Variants in GPCPD1 observed in about 807,000 individuals in gnomAD.
The protein encoded by GPCPD1 is glycerophosphocholine phosphodiesterase 1.
GPCPD1 carries 29 observed loss-of-function variants against 89.2 expected under a neutral mutation model. The observed-to-expected ratio is 0.33, with a 90% CI of 0.24 to 0.44. GPCPD1 has a LOEUF of 0.44. Ranked by LOEUF, GPCPD1 falls within the 20% of genes least tolerant of loss-of-function variation. GPCPD1 has a pLI of 1.00. For synonymous variants in GPCPD1, 258 were observed against 266.3 expected (o/e 0.97, Z 0.30); for missense variants, 594 against 808.9 (o/e 0.73, Z 3.22).
intron 11 of GPCPD1, among the ~76,000 whole-genome samples, chr20:5,571,061 T>C (rs547252430): frequency 6.6e-6 from 1 of 152,182 alleles, no homozygotes; most frequent in African/African-American, 2.4e-5. Flanking sequence ...GGTTTGAAAA[T>C]TCTGTAACAC....
At chr20:5,600,345 C>T (rs1004344076) in intron 2 of GPCPD1, among the ~76,000 whole-genome samples, 2 of 149,994 alleles carry the variant, frequency 1.3e-5, no homozygotes, top group African/African-American at 4.9e-5. Context: ...CACTTGAGGC[C>T]AGGAGTTTGA....
chr20:5,598,823 TAAAGAAACAGAACAATCAGTCAC>T lies in GPCPD1; in HGVS notation c.50-25_50-3del. ...TTCCACATATCGCAAAAACTTCTCCTAAAGAAACAGAACAATCAGTCACAGAGAAACAGAACAATCAGTCACAG... is the reference window on the plus strand; with the variant it reads ...TTCCACATATCGCAAAAACTTCTCCTAGAGAAACAGAACAATCAGTCACAG... On this transcript the variant is annotated splice_region_variant and splice_polypyrimidine_tract_variant and intron_variant, in intron 2 of 19. Transcript: ENST00000379019. 1 of 1,582,290 alleles carries T rather than the reference TAAAGAAACAGAACAATCAGTCAC, an allele frequency of 6.3e-7. No homozygotes were observed. The highest frequency in any genetic ancestry group is 8.7e-7 in the Non-Finnish European group (1 of 1,151,316).
At chr20:5,608,091 C>G (rs1422407698) in intron 1 of GPCPD1, among the ~76,000 whole-genome samples, 1 of 152,100 alleles carries the variant, frequency 6.6e-6, no homozygotes, top group African/African-American at 2.4e-5. Flanking sequence ...TTCCTATGTA[C>G]TAAAATCAAC....
At chr20:5,585,944 TTCA>T in intron 5 of GPCPD1, 1 of 363,656 alleles carries the variant, frequency 2.7e-6, no homozygotes, top group African/African-American at 2.1e-5. Flanking sequence ...AAGTGAATAT[TTCA>T]TAATAAACTA....
Position 5,578,363 on chromosome 20 carries a change from C to CTG in GPCPD1, c.705+15_705+16dup. The CTG allele has an allele frequency of 7.3e-7, 1 of 1,373,332 alleles. No homozygotes were observed. The allele number at this position is 1,373,332 out of a possible 1,614,324, so 85.1% of individuals were successfully genotyped here. A position where few individuals can be genotyped will look rare whatever the true frequency, so the allele number is the denominator to read the frequency against. On this transcript the variant is annotated intron_variant, in intron 8 of 19. Coordinates refer to ENST00000379019, the MANE Select transcript of GPCPD1 (RefSeq NM_019593.5). ...CCTGCATTCTTTCTCAATCCCCTCA[C>CTG]TGCAGTAACTACTCACTTCGAAAAA...
Position 5,570,133 on chromosome 20 carries a change from A to C in GPCPD1, c.1149+14T>G. ...TTAACATTAAGAGTTTGAAATGAAG[A>C]AATTTCAACGTACCTTTTTCATAGT... is the stretch of plus-strand genomic sequence containing the variant. On this transcript the variant is annotated intron_variant, in intron 12 of 19. Transcript: ENST00000379019. 1 of 1,271,720 alleles carries C rather than the reference A, an allele frequency of 7.9e-7. No homozygotes were observed. Among genetic ancestry groups the C allele is most frequent in the Non-Finnish European group, 1.1e-6 (1 of 883,464 alleles). 78.8% of individuals were successfully genotyped at this position (1,271,720 alleles called of 1,614,324 possible). A position where few individuals can be genotyped will look rare whatever the true frequency, so the allele number is the denominator to read the frequency against.
At chr20:5,550,835 A>C (rs1464612601) in intron 19 of GPCPD1, among the ~76,000 whole-genome samples, 1 of 152,156 alleles carries the variant, frequency 6.6e-6, no homozygotes, top group Non-Finnish European at 1.5e-5. Flanking sequence ...AAAAGATATG[A>C]GCTACAGGAA....
In GPCPD1 at chr20:5,547,837, T is replaced by C. The variant is rs1261417966; in HGVS notation, c.1843A>G (p.Met615Val). 1.3e-6 allele frequency: 2 copies of C among 1,588,850 alleles called. No individual in the cohort carries two copies. The highest frequency in any genetic ancestry group is 1.7e-6 in the Non-Finnish European group (2 of 1,159,112). The change falls in exon 20 of 20, where the codon ATG (methionine) becomes GTG (valine). Residue 615 changes from methionine (M) to valine (V), a missense_variant. Transcript: ENST00000379019. ...TGGAATATATTTGGTTGTTCAGGCA[T>C]CCAATCATATATCCTATGATGAAAC... ...GLIYDRIYDW[M>V]PEQPNIFQVE...
rs935908862 is a variant in GPCPD1, at chr20:5,561,664, G to C, written c.1330-134C>G. The C allele has an allele frequency of 5.3e-5, 29 of 546,722 alleles. 1 individual carries two copies. Among genetic ancestry groups the C allele is most frequent in the African/African-American group, 4.8e-4 (25 of 52,340 alleles). 33.9% of individuals were successfully genotyped at this position (546,722 alleles called of 1,614,324 possible). On this transcript the variant is annotated intron_variant, in intron 15 of 19. Coordinates refer to ENST00000379019, the MANE Select transcript of GPCPD1 (RefSeq NM_019593.5). ...AGCAATAAAATGTTTTGTGCATAATGCACAAACATATTTTGTCATACTCAA... is the reference window on the plus strand; with the variant it reads ...AGCAATAAAATGTTTTGTGCATAATCCACAAACATATTTTGTCATACTCAA...
At chr20:5,556,494 G>A (rs1331417248) in intron 19 of GPCPD1, among the ~76,000 whole-genome samples, 1 of 152,154 alleles carries the variant, frequency 6.6e-6, no homozygotes, top group East Asian at 1.9e-4. Context: ...GTGAGCCACT[G>A]CGCCCGGCCT....
chr20:5,575,715 C>A, intron 9 of GPCPD1, 101 bp downstream of exon 9: 1 of 937,560 alleles, frequency 1.1e-6, no homozygotes, highest in Non-Finnish European at 1.6e-6. Flanking sequence ...GATACTAAAG[C>A]AAATTATTAA....
chr20:5,604,621 G>A (rs1248820748), intron 1 of GPCPD1, among the ~76,000 whole-genome samples, 181 bp from the exon 2 acceptor site: 1 of 82,996 alleles, frequency 1.2e-5, no homozygotes, highest in East Asian at 4.2e-4. Flanking sequence ...CGGGGGGGGG[G>A]GGGCGGGAAA....
chr20:5,582,151 A>C (rs1225324817), intron 6 of GPCPD1, among the ~76,000 whole-genome samples: 2 of 125,868 alleles, frequency 1.6e-5, no homozygotes, highest in African/African-American at 3.1e-5. Context: ...GCGCCACTGC[A>C]CTCCAGCCTG....
chr20:5,546,984 T>A lies in GPCPD1; in HGVS notation c.*677A>T, dbSNP rs1281185942. On this transcript the variant is annotated 3_prime_UTR_variant, in exon 20 of 20. Coordinates refer to ENST00000379019, the MANE Select transcript of GPCPD1 (RefSeq NM_019593.5). Reference sequence around the variant, plus strand: ...CATACTTTTTCTTACTAATATTTTATACATTAAATTACCCTGCAGCATTTT... The same window carrying A: ...CATACTTTTTCTTACTAATATTTTAAACATTAAATTACCCTGCAGCATTTT... 2.6e-5 allele frequency: 4 copies of A among 152,678 alleles called. No individual in the cohort carries two copies. Among genetic ancestry groups the A allele is most frequent in the Non-Finnish European group, 5.9e-5 (4 of 68,032 alleles). 9.5% of individuals were successfully genotyped at this position (152,678 alleles called of 1,614,324 possible). A position where few individuals can be genotyped will look rare whatever the true frequency, so the allele number is the denominator to read the frequency against.
intron 2 of GPCPD1, among the ~76,000 whole-genome samples, chr20:5,603,731 T>C (rs1310399526): frequency 6.6e-6 from 1 of 151,550 alleles, no homozygotes; most frequent in East Asian, 1.9e-4. Flanking sequence ...CAGCCAATTG[T>C]TTCACCAACT....
intron 4 of GPCPD1, among the ~76,000 whole-genome samples, chr20:5,590,824 G>T (rs1979279325): frequency 6.6e-6 from 1 of 152,156 alleles, no homozygotes; most frequent in South Asian, 2.1e-4. Context: ...AAATAAGATA[G>T]TTTGTAATGA....
intron 12 of GPCPD1, chr20:5,567,969 C>T (rs1417829433): frequency 6.5e-6 from 1 of 153,210 alleles, no homozygotes; most frequent in Non-Finnish European, 1.5e-5. Flanking sequence ...AAATTTATTT[C>T]TGTAAGTTTC....
intron 5 of GPCPD1, chr20:5,584,862 C>T (rs1978807717): frequency 6.6e-6 from 1 of 152,560 alleles, no homozygotes; most frequent in African/African-American, 2.4e-5. Context: ...TAGCACAACC[C>T]CTTCTCCTAA....
rs553742660 is a variant in GPCPD1, at chr20:5,593,175, A to C, written c.231+152T>G. ...GACATCATCTGCCTCTGAAGTGGCT[A>C]CTTCCTTGGTTTTGGTAAATTTTAT... On this transcript the variant is annotated intron_variant, in intron 4 of 19. Transcript: ENST00000379019. 6.1e-5 allele frequency: 31 copies of C among 511,442 alleles called. No individual in the cohort carries two copies. In the East Asian group the frequency reaches 9.6e-4, roughly 16 times the overall value. 31.7% of individuals were successfully genotyped at this position (511,442 alleles called of 1,614,324 possible). A position where few individuals can be genotyped will look rare whatever the true frequency, so the allele number is the denominator to read the frequency against.
Sources: allele counts gnomAD v4.1 joint callset (sites outside exome capture counted in the v4.1 genomes callset), GRCh38; gene constraint gnomAD v4.1.1; transcripts MANE v1.5; gene names NCBI Gene and HGNC (gene_info 2026-07-23, HGNC 2026-07-21).